RAD52: variants seen among roughly 807,000 people sequenced by gnomAD.
RAD52 encodes RAD52 DNA repair protein.
Under a neutral mutation model 55.5 loss-of-function variants are expected in RAD52, and 47 were observed. The ratio of observed to expected loss-of-function variants is 0.85; its 90% CI spans 0.67 to 1.08. The LOEUF is 1.08. Among genes scored for constraint, RAD52 ranks in the 50% least tolerant of loss-of-function variants. RAD52 has a pLI of 0.00. For synonymous variants in RAD52, 184 were observed against 198.9 expected (o/e 0.92, Z 0.63); for missense variants, 468 against 522.8 (o/e 0.90, Z 1.02).
At chr12:929,633 A>G (rs1487167446) in intron 5 of RAD52, 186 bp downstream of exon 5, 1 of 780,094 alleles carries the variant, frequency 1.3e-6, no homozygotes, top group Non-Finnish European at 2.4e-6. Context: ...GTGCAAGAGA[A>G]CAGTTTTTCC....
chr12:934,501 A>G (rs1395359087), intron 1 of RAD52, among the ~76,000 whole-genome samples: 1 of 151,904 alleles, frequency 6.6e-6, no homozygotes, highest in Non-Finnish European at 1.5e-5. Flanking sequence ...GGCTCTGAAA[A>G]CAAATGAATT....
intron 8 of RAD52, 23 bp downstream of exon 8, chr12:916,616 A>C (rs373620023): frequency 1.0e-5 from 16 of 1,606,132 alleles, no homozygotes; most frequent in Non-Finnish European, 1.4e-5. Context: ...CGCAGAGGAA[A>C]GGAGGGGACT....
chr12:916,204 T>C (rs1956361694), intron 9 of RAD52, 140 bp downstream of exon 9: 2 of 1,456,594 alleles, frequency 1.4e-6, no homozygotes, highest in Non-Finnish European at 1.8e-6. Context: ...GGCTCATCTC[T>C]CCTGCGTGTA....
chr12:956,291 C>T (rs574094949), intron 1 of RAD52, among the ~76,000 whole-genome samples: 5 of 152,166 alleles, frequency 3.3e-5, no homozygotes, highest in Non-Finnish European at 5.9e-5. Context: ...CTGAACCTGT[C>T]GTATAGGCCT....
At chr12:938,799 G>A (rs1186299470) in intron 1 of RAD52, among the ~76,000 whole-genome samples, 3 of 152,098 alleles carry the variant, frequency 2.0e-5, no homozygotes, top group African/African-American at 7.2e-5. Flanking sequence ...ATATTATTAG[G>A]ACAATGGGAG....
intron 9 of RAD52, among the ~76,000 whole-genome samples, chr12:914,985 T>C (rs1357005683): frequency 6.6e-6 from 1 of 152,008 alleles, no homozygotes. Flanking sequence ...AAATAAAATA[T>C]CAGCGGGTGT....
At chr12:950,222 A>T (rs1958489210), upstream of RAD52, among the ~76,000 whole-genome samples, 1 of 152,190 alleles carries the variant, frequency 6.6e-6, no homozygotes, top group Non-Finnish European at 1.5e-5. Context: ...GCCTTCGGTT[A>T]GCGACGACCG....
rs1957232513 is a variant in RAD52, at chr12:929,813, C to T, written c.348+6G>A. ...TCCGGGCAGCAGGTCTACTCCATCC[C>T]CTCACCTTCAGCTGGACCCTCACAA... On this transcript the variant is annotated splice_donor_region_variant and intron_variant, in intron 5 of 11. Transcript: ENST00000358495. The T allele has an allele frequency of 1.9e-6, 3 of 1,580,246 alleles. No individual in the cohort carries two copies. Among genetic ancestry groups the T allele is most frequent in the African/African-American group, 1.5e-5 (1 of 67,796 alleles).
chr12:927,008 G>A (rs1262775096), intron 6 of RAD52, 137 bp downstream of exon 6: 2 of 1,551,546 alleles, frequency 1.3e-6, no homozygotes, highest in African/African-American at 1.4e-5. Context: ...AGGAACCAGG[G>A]CAGGGGTGAG....
At chr12:959,708 T>C (rs553491835) in intron 1 of RAD52, among the ~76,000 whole-genome samples, 1 of 152,298 alleles carries the variant, frequency 6.6e-6, no homozygotes, top group African/African-American at 2.4e-5. Context: ...TCATAAGGTG[T>C]TCTCAGAAGC....
chr12:990,305 G>A (rs999530276), upstream of RAD52: 1 of 151,848 alleles, frequency 6.6e-6, no homozygotes, highest in Non-Finnish European at 1.5e-5. Flanking sequence ...TTTAGAGATA[G>A]CTTATCTACA....
intron 1 of RAD52, among the ~76,000 whole-genome samples, chr12:984,666 G>T (rs1291538233): frequency 6.6e-6 from 1 of 151,148 alleles, no homozygotes; most frequent in Non-Finnish European, 1.5e-5. Context: ...TAATACAAAA[G>T]ACTTTTTTTT....
At chr12:942,609 T>C (rs2154117877) in intron 1 of RAD52, among the ~76,000 whole-genome samples, 1 of 152,116 alleles carries the variant, frequency 6.6e-6, no homozygotes, top group Non-Finnish European at 1.5e-5. Context: ...TAGTTGGGCA[T>C]GGTGGCGCAT....
chr12:977,494 C>T (rs1233605130), intron 1 of RAD52, among the ~76,000 whole-genome samples: 1 of 152,190 alleles, frequency 6.6e-6, no homozygotes, highest in Non-Finnish European at 1.5e-5. Context: ...TTGTTGCCCA[C>T]AAGCCCAAGA....
rs557422932 is a variant in RAD52 at position 972,533 on chromosome 12, G to A, written c.-19+17276C>T. ...TGTAATCCCAGCACTTTGGGAGGCC[G>A]AGGAGGGCGGATCACGAGGTCAGGA... is the stretch of plus-strand genomic sequence containing the variant. On this transcript the variant is annotated intron_variant, in intron 1 of 11. Coordinates refer to the RAD52 transcript ENST00000430095. Among the ~76,000 whole-genome samples, 185 of 152,076 alleles carry A rather than the reference G, an allele frequency of 1.2e-3. 1 individual carries two copies. The highest frequency in any genetic ancestry group is 2.1e-3 in the Non-Finnish European group (143 of 67,954).
intron 1 of RAD52, among the ~76,000 whole-genome samples, chr12:966,848 C>A (rs1958777101): frequency 6.6e-6 from 1 of 151,658 alleles, no homozygotes; most frequent in Non-Finnish European, 1.5e-5. Context: ...ATAAGGCCGG[C>A]GAGGCTCTCC....
In RAD52 at chr12:916,399, C is replaced by G; in HGVS notation, c.810G>C (p.Glu270Asp). ...RQKQLQQQFR[E>D]RMEKQQVRVS... ...CTCGAACCTGCTGCTTCTCCATCCG[C>G]TCCCGGAACTGCTGCTGCAGCTGCT... is the stretch of plus-strand genomic sequence containing the variant. The change falls in exon 9 of 12, where the codon GAG (glutamate) becomes GAC (aspartate). Residue 270 changes from glutamate to aspartate, a missense_variant. Physicochemically the swap from Glu to Asp is conservative, Grantham distance 45. Transcript: ENST00000358495. 6.2e-7 allele frequency: 1 copy of G among 1,609,000 alleles called. No homozygotes were observed. Among genetic ancestry groups the G allele is most frequent in the Non-Finnish European group, 8.5e-7 (1 of 1,179,660 alleles).
chr12:969,380 G>A (rs1444452557), intron 1 of RAD52, among the ~76,000 whole-genome samples: 1 of 151,760 alleles, frequency 6.6e-6, no homozygotes, highest in Non-Finnish European at 1.5e-5. Flanking sequence ...ACTTTGGTGG[G>A]GCTGCACTAA....
chr12:969,705 A>G (rs1306824163), intron 1 of RAD52, among the ~76,000 whole-genome samples: 4 of 151,540 alleles, frequency 2.6e-5, no homozygotes, highest in Admixed American at 6.6e-5. Context: ...GTGGGAGGAT[A>G]TCTTGAGCCC....
Sources: gnomAD v4.1 joint callset for allele counts (sites outside exome capture counted in the v4.1 genomes callset) on GRCh38, gnomAD v4.1.1 for gene constraint, MANE v1.5 for transcripts, NCBI Gene and HGNC (gene_info 2026-07-23, HGNC 2026-07-21) for gene names.